Variants in PCDHGB5 observed in about 807,000 individuals in gnomAD.
PCDHGB5 encodes protocadherin gamma subfamily B, 5.
In PCDHGB5, 48 loss-of-function variants were observed where a neutral mutation model predicts 62.9. The ratio of observed to expected loss-of-function variants is 0.76; its 90% CI spans 0.61 to 0.97. The LOEUF (loss-of-function observed/expected upper bound fraction) is 0.97, where lower values mean the gene tolerates loss of function less well. Ranked by LOEUF, PCDHGB5 falls within the 50% of genes least tolerant of loss-of-function variation. The probability of loss-of-function intolerance (pLI) is 0.00; values close to 1 mark genes in which losing one functional copy is unlikely to be tolerated. For synonymous variants in PCDHGB5, 474 were observed against 511.2 expected, an observed-to-expected ratio of 0.93 and a Z score of 0.98; for missense variants, 1,118 against 1,198.6, an observed-to-expected ratio of 0.93 and a Z score of 0.99.
intron 1 of PCDHGB5, chr5:141,423,616 G>A: frequency 6.2e-7 from 1 of 1,609,594 alleles, no homozygotes; most frequent in Admixed American, 1.7e-5. Context: ...GATAGCTGAA[G>A]ACTCAGCTAT....
chr5:141,433,208 C>CTTTT, intron 1 of PCDHGB5: 1 of 1,293,074 alleles, frequency 7.7e-7, no homozygotes, highest in African/African-American at 1.5e-5. Flanking sequence ...AATCTTCTTT[C>CTTTT]TTTTTTTTTT....
intron 1 of PCDHGB5, chr5:141,408,653 C>T (rs1589679123): frequency 6.2e-7 from 1 of 1,613,982 alleles, no homozygotes; most frequent in African/African-American, 1.3e-5. Context: ...CGCTGGTACA[C>T]GACTATCGCT....
chr5:141,423,972 T>A (rs1459859824), intron 1 of PCDHGB5: 2 of 1,128,544 alleles, frequency 1.8e-6, no homozygotes, highest in African/African-American at 3.3e-5. Flanking sequence ...CTATTATCAG[T>A]GTATGAGGCT....
intron 1 of PCDHGB5, among the ~76,000 whole-genome samples, chr5:141,451,522 A>G (rs1387873094): frequency 6.6e-6 from 1 of 152,200 alleles, no homozygotes; most frequent in Non-Finnish European, 1.5e-5. Flanking sequence ...TAGAGCAAGT[A>G]AAGGAGAGTG....
intron 1 of PCDHGB5, among the ~76,000 whole-genome samples, chr5:141,446,175 G>A (rs1288608276): frequency 1.3e-5 from 2 of 152,276 alleles, no homozygotes; most frequent in Non-Finnish European, 2.9e-5. Context: ...AGGGCAGGGG[G>A]TGTTTTGTTT....
chr5:141,453,032 G>A (rs2098754281), intron 1 of PCDHGB5, among the ~76,000 whole-genome samples: 1 of 152,132 alleles, frequency 6.6e-6, no homozygotes, highest in Admixed American at 6.5e-5. Flanking sequence ...TTAAAATAAA[G>A]TTTGTTTCTA....
chr5:141,423,238 G>C (rs765040062), intron 1 of PCDHGB5: 4 of 1,613,778 alleles, frequency 2.5e-6, no homozygotes, highest in South Asian at 2.2e-5. Context: ...CAGCATCCCC[G>C]AAGTCCTGGC....
chr5:141,459,260 T>G (rs551625614), intron 1 of PCDHGB5, among the ~76,000 whole-genome samples: 1 of 152,344 alleles, frequency 6.6e-6, no homozygotes, highest in South Asian at 2.1e-4. Flanking sequence ...TAAATTAGTG[T>G]TGCCTCTTTC....
intron 1 of PCDHGB5, chr5:141,427,254 G>A (rs1013561568): frequency 1.8e-5 from 8 of 456,644 alleles, no homozygotes; most frequent in Non-Finnish European, 2.6e-5. Flanking sequence ...GGATGGTGGA[G>A]GCATGACCAG....
At chr5:141,427,858 C>T in intron 1 of PCDHGB5, 1 of 1,555,500 alleles carries the variant, frequency 6.4e-7, no homozygotes, top group South Asian at 1.1e-5. Context: ...CAGCTGTGCG[C>T]CTTCGAGCTC....
intron 2 of PCDHGB5, among the ~76,000 whole-genome samples, chr5:141,501,061 G>T (rs746369272): frequency 1.5e-4 from 23 of 152,118 alleles, no homozygotes; most frequent in Non-Finnish European, 2.1e-4. Flanking sequence ...TAGAGACGGG[G>T]TTTCACCATG....
At chr5:141,447,238 C>T (rs1028683423) in intron 1 of PCDHGB5, among the ~76,000 whole-genome samples, 1 of 152,148 alleles carries the variant, frequency 6.6e-6, no homozygotes, top group Non-Finnish European at 1.5e-5. Context: ...CTCCCGGGTT[C>T]AAGTGATTCT....
chr5:141,430,629 C>A, intron 1 of PCDHGB5: 1 of 812,246 alleles, frequency 1.2e-6, no homozygotes. Context: ...AGGAATGAAC[C>A]ATCCCTGGGA....
At chr5:141,426,916 A>T (rs1227752756) in intron 1 of PCDHGB5, 2 of 456,618 alleles carry the variant, frequency 4.4e-6, no homozygotes, top group Non-Finnish European at 4.4e-6. Context: ...CTGGTCCTGG[A>T]AGCAATGGAC....
intron 1 of PCDHGB5, among the ~76,000 whole-genome samples, chr5:141,459,561 C>T (rs912894386): frequency 2.6e-5 from 4 of 151,954 alleles, no homozygotes; most frequent in African/African-American, 7.3e-5. Context: ...GGATAAATAC[C>T]CCAAAACAGA....
intron 1 of PCDHGB5, chr5:141,421,791 TG>T (rs1561796446): frequency 6.2e-7 from 1 of 1,613,792 alleles, no homozygotes; most frequent in Non-Finnish European, 8.5e-7. Flanking sequence ...GCAGAACGGA[TG>T]GGGCCAAGAA....
intron 1 of PCDHGB5, chr5:141,413,192 A>G: frequency 1.2e-6 from 2 of 1,607,816 alleles, no homozygotes; most frequent in South Asian, 2.2e-5. Context: ...GCTCAAAGGA[A>G]TCGCTCAAAG....
chr5:141,492,548 C>T (rs1028674110), intron 1 of PCDHGB5, among the ~76,000 whole-genome samples: 5 of 152,218 alleles, frequency 3.3e-5, no homozygotes, highest in African/African-American at 9.6e-5. Flanking sequence ...TGGGCCGGGT[C>T]GCCTGGGGGG....
intron 1 of PCDHGB5, among the ~76,000 whole-genome samples, chr5:141,447,984 G>C (rs1300057273): frequency 6.6e-6 from 1 of 151,952 alleles, no homozygotes; most frequent in African/African-American, 2.4e-5. Context: ...TACTCGGGAG[G>C]CTGAGGCATG....
Sources: gnomAD v4.1 joint callset for allele counts (sites outside exome capture counted in the v4.1 genomes callset) on GRCh38, gnomAD v4.1.1 for gene constraint, MANE v1.5 for transcripts, NCBI Gene and HGNC (gene_info 2026-07-23, HGNC 2026-07-21) for gene names.